The following CD36 variants were observed in gnomAD, a reference collection of about 807,000 sequenced individuals.
The protein encoded by CD36 is platelet glycoprotein 4.
In CD36, 119 loss-of-function variants were observed where a neutral mutation model predicts 55.2. The observed-to-expected ratio is 2.15, with a 90% CI of 1.86 to 2.51. The LOEUF is 2.51. Among genes scored for constraint, CD36 ranks in the 30% most tolerant of loss-of-function variants. The pLI is 0.00. For synonymous variants in CD36, 186 were observed against 193.6 expected, an observed-to-expected ratio of 0.96 and a Z score of 0.33; for missense variants, 819 against 555.5, an observed-to-expected ratio of 1.47 and a Z score of -4.77.
At chr7:80,663,340 T>C (rs1796714178) in intron 6 of CD36, among the ~76,000 whole-genome samples, 171 bp downstream of exon 6, 1 of 152,192 alleles carries the variant, frequency 6.6e-6, no homozygotes, top group Non-Finnish European at 1.5e-5. Context: ...GCTTTCCTAG[T>C]TGGGAAATTC....
Position 80,673,358 on chromosome 7 carries a change from ATT to A in CD36, c.1204_1205del (p.Leu402LysfsTer15). ...TTATTTTCAACGTATATTACAGAGT[ATT>A]AAAGAATCTGAAGAGGAACTATATT... is the stretch of plus-strand genomic sequence containing the variant. Reference protein sequence around the residue: ...LVKPSEKIQVLKNLKRNYIVP... With the variant: ...LVKPSEKIQVXKNLKRNYIVP... On this transcript the variant is annotated frameshift_variant, in exon 13 of 15. Coordinates refer to ENST00000447544, the MANE Select transcript of CD36 (RefSeq NM_001001548.3). LOFTEE classifies it high-confidence loss of function. 7.0e-7 allele frequency: 1 copy of A among 1,431,200 alleles called. No individual in the cohort carries two copies. Among genetic ancestry groups the A allele is most frequent in the Non-Finnish European group, 9.9e-7 (1 of 1,014,864 alleles). 88.7% of individuals were successfully genotyped at this position (1,431,200 alleles called of 1,614,324 possible). A position where few individuals can be genotyped will look rare whatever the true frequency, so the allele number is the denominator to read the frequency against.
intron 1 of CD36, among the ~76,000 whole-genome samples, chr7:80,641,942 C>CA (rs35775198): frequency 0.021 from 3,085 of 148,034 alleles, 102 homozygotes; most frequent in African/African-American, 0.072. Context: ...ACCTGATAAC[C>CA]AAAAAAAAAA....
At chr7:80,623,625 C>T (rs1242586153) in intron 1 of CD36, among the ~76,000 whole-genome samples, 1 of 152,108 alleles carries the variant, frequency 6.6e-6, no homozygotes, top group African/African-American at 2.4e-5. Flanking sequence ...CTATTATAAG[C>T]CTGAACTTGT....
chr7:80,670,575 G>T, intron 9 of CD36: 1 of 232,130 alleles, frequency 4.3e-6, no homozygotes, highest in South Asian at 6.4e-5. Context: ...GTAAACGATG[G>T]AAATGTACCA....
At chr7:80,630,918 T>C (rs754229326) in intron 1 of CD36, among the ~76,000 whole-genome samples, 10 of 152,028 alleles carry the variant, frequency 6.6e-5, no homozygotes, top group Non-Finnish European at 1.3e-4. Context: ...TGCCGAAACA[T>C]AGAAAACATA....
chr7:80,625,923 A>G (rs971625285), intron 1 of CD36, among the ~76,000 whole-genome samples: 1 of 152,182 alleles, frequency 6.6e-6, no homozygotes, highest in African/African-American at 2.4e-5. Flanking sequence ...CACTGCGAAT[A>G]ATCCAATAAT....
chr7:80,661,726 G>T (rs1036416559), intron 5 of CD36, among the ~76,000 whole-genome samples: 1 of 152,084 alleles, frequency 6.6e-6, no homozygotes, highest in African/African-American at 2.4e-5. Context: ...GCAATTTGTT[G>T]CTGCAAAATG....
chr7:80,604,405 T>C (rs1792428703), intron 1 of CD36, among the ~76,000 whole-genome samples: 1 of 133,308 alleles, frequency 7.5e-6, no homozygotes, highest in Non-Finnish European at 1.6e-5. Context: ...AAGTATGCCA[T>C]TGGTTCCACA....
chr7:80,671,815 T>C (rs780384532), intron 10 of CD36, 107 bp from the exon 11 acceptor site: 4 of 952,346 alleles, frequency 4.2e-6, no homozygotes, highest in East Asian at 2.5e-5. Context: ...TTAAAAACCA[T>C]GTATTTTTTA....
Position 80,661,193 on chromosome 7 carries a change from CTCAA to C in CD36, c.415_418del (p.Asn139TrpfsTer17). 6.2e-7 allele frequency: 1 copy of C among 1,613,954 alleles called. No homozygotes were observed. The highest frequency in any genetic ancestry group is 8.5e-7 in the Non-Finnish European group (1 of 1,179,884). ...AACAGAGGCTGACAACTTCACAGTT[CTCAA>C]TCTGGCTGTGGCAGTGAGTAGACAA... On this transcript the variant is annotated frameshift_variant, in exon 5 of 15. Coordinates refer to ENST00000447544, the MANE Select transcript of CD36 (RefSeq NM_001001548.3). LOFTEE classifies it high-confidence loss of function.
chr7:80,676,433 T>G lies in CD36; in HGVS notation c.*50T>G, dbSNP rs1386178521. On this transcript the variant is annotated 3_prime_UTR_variant, in exon 15 of 15. Transcript: ENST00000447544. ...TGTGTTGTTCTGATTCAATAATTGG[T>G]TTCTGGGTGGCCAATTCAGAAGAAG... 6.6e-6 allele frequency: 1 copy of G among 152,086 alleles called. No individual in the cohort carries two copies. The highest frequency in any genetic ancestry group is 1.5e-5 in the Non-Finnish European group (1 of 68,012). The allele number at this position is 152,086 out of a possible 1,614,324, so 9.4% of individuals were successfully genotyped here.
At chr7:80,664,852 T>TAAAAAAAAAAAA (rs11464530) in intron 7 of CD36, among the ~76,000 whole-genome samples, 1 of 144,170 alleles carries the variant, frequency 6.9e-6, no homozygotes, top group Non-Finnish European at 1.5e-5. Context: ...AATGAAAAGG[T>TAAAAAAAAAAAA]AAAAAAAAAA....
chr7:80,646,259 C>G (rs980142670), intron 2 of CD36, 78 bp downstream of exon 2: 2 of 184,790 alleles, frequency 1.1e-5, no homozygotes, highest in East Asian at 2.6e-4. Context: ...ACATTCTGTT[C>G]GCAGGAGAGC....
chr7:80,608,837 A>G (rs992173818), intron 1 of CD36, among the ~76,000 whole-genome samples: 1 of 152,174 alleles, frequency 6.6e-6, no homozygotes, highest in African/African-American at 2.4e-5. Flanking sequence ...TTAGTCACCA[A>G]GCCGTAGCTA....
rs763598405 is a variant in CD36 at position 80,619,553 on chromosome 7, AG to A, written c.-184+17176del. Among the ~76,000 whole-genome samples the A allele has an allele frequency of 3.5e-4, 52 of 150,472 alleles. 1 individual carries two copies. The highest frequency in any genetic ancestry group is 3.4e-3 in the Middle Eastern group (1 of 292). On this transcript the variant is annotated intron_variant, in intron 1 of 13. Transcript: ENST00000309881. ...TCCCAGCTACTCGAGAGGCTGAGGC[AG>A]GAGAATCGCTTGAACCCAGGAGGCA...
chr7:80,635,508 C>A (rs561101065), upstream of CD36, among the ~76,000 whole-genome samples: 1 of 152,222 alleles, frequency 6.6e-6, no homozygotes, highest in East Asian at 1.9e-4. Context: ...CTCCTGACCT[C>A]AAGTGATCCG....
rs753334442 is a variant in CD36, at chr7:80,674,160, CA to C, written c.*19del. ...AACAATAAAATAAGTAAGTATGTAC[CA>C]AAAAATATTGCTTCAATAATATTAG... On this transcript the variant is annotated intron_variant, in intron 14 of 14. Coordinates refer to ENST00000447544, the MANE Select transcript of CD36 (RefSeq NM_001001548.3). 2.5e-5 allele frequency: 39 copies of C among 1,577,790 alleles called. No individual in the cohort carries two copies. Among genetic ancestry groups the C allele is most frequent in the Non-Finnish European group, 3.1e-5 (36 of 1,148,966 alleles).
At chr7:80,624,502 C>A (rs1380130021) in intron 1 of CD36, among the ~76,000 whole-genome samples, 1 of 152,020 alleles carries the variant, frequency 6.6e-6, no homozygotes, top group African/African-American at 2.4e-5. Context: ...AGAAGGCATT[C>A]AAAAATATTT....
At chr7:80,651,143 C>T (rs3211838) in intron 3 of CD36, among the ~76,000 whole-genome samples, 19,014 of 151,918 alleles carry the variant, frequency 0.13, 1,654 homozygotes, top group East Asian at 0.32. Flanking sequence ...GAACAGAAAA[C>T]CAGATACCAC....
Sources: gnomAD v4.1 joint callset for allele counts (sites outside exome capture counted in the v4.1 genomes callset) on GRCh38, gnomAD v4.1.1 for gene constraint, MANE v1.5 for transcripts, NCBI Gene and HGNC (gene_info 2026-07-23, HGNC 2026-07-21) for gene names.